TF: variants seen among roughly 807,000 people sequenced by gnomAD.
TF encodes transferrin.
TF carries 55 observed loss-of-function variants against 82.4 expected under a neutral mutation model. The observed-to-expected ratio is 0.67, with a 90% confidence interval of 0.54 to 0.84. The LOEUF (loss-of-function observed/expected upper bound fraction) is 0.84, where lower values mean the gene tolerates loss of function less well. Ranked by LOEUF, TF falls within the 40% of genes least tolerant of loss-of-function variation. The pLI, the probability that TF is intolerant of heterozygous loss-of-function variation, is 0.00. For synonymous variants in TF, 332 were observed against 332.6 expected (o/e 1.00, Z 0.02); for missense variants, 737 against 868.4 (o/e 0.85, Z 1.90).
intron 2 of TF, among the ~76,000 whole-genome samples, chr3:133,750,312 C>G (rs1284466068): frequency 6.6e-6 from 1 of 152,148 alleles, no homozygotes; most frequent in African/African-American, 2.4e-5. Context: ...GGTCAGGTCT[C>G]TTAGTGCAGA....
the TF span, among the ~76,000 whole-genome samples, chr3:133,705,140 C>A: frequency 6.6e-6 from 1 of 152,012 alleles, no homozygotes; most frequent in Non-Finnish European, 1.5e-5. Context: ...CAGGGCATGG[C>A]AGCAGGTGCC....
upstream of TF, among the ~76,000 whole-genome samples, chr3:133,742,644 T>C (rs1350772934): frequency 6.6e-6 from 1 of 152,102 alleles, no homozygotes; most frequent in East Asian, 1.9e-4. Flanking sequence ...GGCTGCTGCT[T>C]CTCAAGGATG....
rs1041235301 is a variant in TF, at chr3:133,787,168, AT to A, written c.*8551del. On this transcript the variant is annotated 3_prime_UTR_variant, in exon 17 of 17. Coordinates refer to ENST00000402696, the MANE Select transcript of TF (RefSeq NM_001063.4). ...GACAAATGAGTCCTAATTTTGCAAC[AT>A]TTGGTCTCTAGATGTTTAAGAAGTT... is the stretch of plus-strand genomic sequence containing the variant. The A allele has an allele frequency of 6.6e-6, 1 of 152,154 alleles. No individual in the cohort carries two copies. The highest frequency in any genetic ancestry group is 1.5e-5 in the Non-Finnish European group (1 of 68,028). 9.4% of individuals were successfully genotyped at this position (152,154 alleles called of 1,614,324 possible). A position where few individuals can be genotyped will look rare whatever the true frequency, so the allele number is the denominator to read the frequency against.
At chr3:133,771,722 C>A (rs1177641030) in intron 14 of TF, among the ~76,000 whole-genome samples, 8 of 98,900 alleles carry the variant, frequency 8.1e-5, no homozygotes, top group African/African-American at 3.3e-4. Flanking sequence ...CCGGCCTGGG[C>A]GACAGAGCGA....
chr3:133,714,257 T>C, the TF span, among the ~76,000 whole-genome samples: 26 of 152,150 alleles, frequency 1.7e-4, no homozygotes, highest in Non-Finnish European at 3.4e-4. Context: ...GCTAAAGACG[T>C]AGATTTAACT....
At chr3:133,771,684 C>T (rs867066706) in intron 14 of TF, among the ~76,000 whole-genome samples, 21 of 138,652 alleles carry the variant, frequency 1.5e-4, no homozygotes, top group African/African-American at 6.1e-4. Context: ...TTGCAGTGAG[C>T]CGAGATTGCG....
the TF span, among the ~76,000 whole-genome samples, chr3:133,687,537 C>T: frequency 6.6e-6 from 1 of 152,114 alleles, no homozygotes. Context: ...AACATTTTCA[C>T]CACCCTAAAA....
At chr3:133,746,964 G>A (rs1933519347) in intron 1 of TF, among the ~76,000 whole-genome samples, 1 of 152,174 alleles carries the variant, frequency 6.6e-6, no homozygotes, top group African/African-American at 2.4e-5. Context: ...AGTCCTGGCC[G>A]GCTCCTCACC....
intron 1 of TF, chr3:133,748,143 T>G: frequency 1.9e-6 from 1 of 515,456 alleles, no homozygotes. Flanking sequence ...GAGGAGCAGA[T>G]TGTCATCTCC....
chr3:133,697,816 C>T, the TF span, among the ~76,000 whole-genome samples: 1 of 152,194 alleles, frequency 6.6e-6, no homozygotes, highest in Non-Finnish European at 1.5e-5. Flanking sequence ...AAAATTGTAA[C>T]CACTCACAGC....
In TF at chr3:133,781,932, TAAAG is replaced by T. The variant is rs1934523757; in HGVS notation, c.*3315_*3318del. 1 of 152,082 alleles carries T rather than the reference TAAAG, an allele frequency of 6.6e-6. No individual in the cohort carries two copies. Among genetic ancestry groups the T allele is most frequent in the African/African-American group, 2.4e-5 (1 of 41,414 alleles). 9.4% of individuals were successfully genotyped at this position (152,082 alleles called of 1,614,324 possible). ...TATCTAATAAGATACAACAAATTGA[TAAAG>T]AACTCATACAACTCAATAGCAGGAA... On this transcript the variant is annotated 3_prime_UTR_variant, in exon 17 of 17. Coordinates refer to ENST00000402696, the MANE Select transcript of TF (RefSeq NM_001063.4).
intron 9 of TF, among the ~76,000 whole-genome samples, chr3:133,763,633 T>C (rs1268534685): frequency 6.6e-6 from 1 of 152,258 alleles, no homozygotes; most frequent in East Asian, 1.9e-4. Context: ...CTTACAAACC[T>C]TGTTGAATCT....
intron 15 of TF, among the ~76,000 whole-genome samples, chr3:133,776,274 C>A (rs773424302): frequency 1.4e-4 from 21 of 152,184 alleles, no homozygotes; most frequent in Admixed American, 2.0e-4. Context: ...AAACACAGGA[C>A]CCTTGCCCTC....
intron 2 of TF, among the ~76,000 whole-genome samples, chr3:133,750,442 C>G (rs1188300681): frequency 8.9e-6 from 1 of 111,860 alleles, no homozygotes; most frequent in East Asian, 3.3e-4. Flanking sequence ...TTCCCTCAAT[C>G]CCCGCGCTGG....
At chr3:133,726,393 T>C in the TF span, among the ~76,000 whole-genome samples, 1 of 152,170 alleles carries the variant, frequency 6.6e-6, no homozygotes, top group African/African-American at 2.4e-5. Context: ...TGGGAGAGTG[T>C]ATGTGTTGAG....
At chr3:133,686,317 G>A in the TF span, among the ~76,000 whole-genome samples, 1 of 152,166 alleles carries the variant, frequency 6.6e-6, no homozygotes, top group Non-Finnish European at 1.5e-5. Context: ...AACACCAAAA[G>A]CAATGGTAAC....
At chr3:133,670,935 C>T in the TF span, among the ~76,000 whole-genome samples, 2 of 152,174 alleles carry the variant, frequency 1.3e-5, no homozygotes, top group Non-Finnish European at 1.5e-5. Context: ...ATGGCAGTCT[C>T]AGGGCTGGAA....
chr3:133,743,942 C>T (rs1034486589), upstream of TF, among the ~76,000 whole-genome samples: 5 of 152,192 alleles, frequency 3.3e-5, no homozygotes, highest in East Asian at 1.9e-4. Context: ...ATGGCAAGCA[C>T]GAAGCTCTGC....
chr3:133,766,133 C>T (rs1444070921), intron 11 of TF, 145 bp from the exon 12 acceptor site: 4 of 815,454 alleles, frequency 4.9e-6, no homozygotes, highest in South Asian at 2.9e-5. Context: ...CTTGTACTTC[C>T]CCTCAGTCAG....
Sources: gnomAD v4.1 joint callset for allele counts (sites outside exome capture counted in the v4.1 genomes callset) on GRCh38, gnomAD v4.1.1 for gene constraint, MANE v1.5 for transcripts, NCBI Gene and HGNC (gene_info 2026-07-23, HGNC 2026-07-21) for gene names.